SCN9A: variants seen among roughly 807,000 people sequenced by gnomAD.
The protein encoded by SCN9A is sodium voltage-gated channel alpha subunit 9.
Under a neutral mutation model 187.0 loss-of-function variants are expected in SCN9A, and 131 were observed. The ratio of observed to expected loss-of-function variants is 0.70; its 90% CI spans 0.61 to 0.81. The LOEUF (loss-of-function observed/expected upper bound fraction) is 0.81, where lower values mean the gene tolerates loss of function less well. Among genes scored for constraint, SCN9A ranks in the 30% least tolerant of loss-of-function variants. The probability of loss-of-function intolerance (pLI) is 0.00; values close to 1 mark genes in which losing one functional copy is unlikely to be tolerated. For synonymous variants in SCN9A, 809 were observed against 808.6 expected (o/e 1.00, Z -0.01); for missense variants, 2,252 against 2,396.6 (o/e 0.94, Z 1.26).
At chr2:166,245,632 C>A (rs957156758) in intron 18 of SCN9A, among the ~76,000 whole-genome samples, 1 of 151,954 alleles carries the variant, frequency 6.6e-6, no homozygotes, top group Non-Finnish European at 1.5e-5. Context: ...AAAGTAACTA[C>A]AGTGAATTCT....
chr2:166,358,024 G>A (rs1274420823), intron 1 of SCN9A, among the ~76,000 whole-genome samples: 1 of 149,564 alleles, frequency 6.7e-6, no homozygotes, highest in African/African-American at 2.5e-5. Flanking sequence ...TAATAAGTGG[G>A]GAATAAAACT....
chr2:166,299,687 G>GGT (rs1360856858), intron 7 of SCN9A, among the ~76,000 whole-genome samples: 2 of 150,634 alleles, frequency 1.3e-5, no homozygotes, highest in East Asian at 3.9e-4. Context: ...CAGAGGTAGA[G>GGT]GTGTGTGTGT....
intron 1 of SCN9A, among the ~76,000 whole-genome samples, chr2:166,324,647 A>G (rs1028830607): frequency 1.3e-5 from 2 of 152,188 alleles, no homozygotes; most frequent in African/African-American, 4.8e-5. Context: ...AATGTGTACC[A>G]TTGATACTAT....
rs1218717355 is a variant in SCN9A, at chr2:166,286,406, C to T, written c.1532G>A (p.Arg511Lys). 6.2e-7 allele frequency: 1 copy of T among 1,613,832 alleles called. No homozygotes were observed. The highest frequency in any genetic ancestry group is 2.2e-5 in the East Asian group (1 of 44,870). Residue 511 changes from arginine (R) to lysine (K), a missense_variant, in exon 11 of 27, where the codon AGA becomes AAA. By Grantham distance (26) the Arg-to-Lys change is conservative. Transcript: ENST00000642356. ...TTCGACACCAAGGTGGAAACTTTTT[C>T]TTCTGATGCTGTCCTCTGATTCTGA... The part of the protein sequence containing the change: ...SKSESEDSIR[R>K]KSFHLGVEGH...
chr2:166,327,182 TCTCA>T (rs1435049537), intron 1 of SCN9A, among the ~76,000 whole-genome samples: 1 of 152,150 alleles, frequency 6.6e-6, no homozygotes, highest in Non-Finnish European at 1.5e-5. Context: ...AAACACAAGG[TCTCA>T]CTCACTCTGT....
Position 166,197,682 on chromosome 2 carries a change from T to A in SCN9A, c.*990A>T, listed in dbSNP as rs1034512721. The A allele has an allele frequency of 7.2e-5, 11 of 152,102 alleles. No individual in the cohort carries two copies. The highest frequency in any genetic ancestry group is 6.6e-4 in the Admixed American group (10 of 15,264). The allele number at this position is 152,102 out of a possible 1,614,324, so 9.4% of individuals were successfully genotyped here. Reference sequence around the variant, plus strand: ...CCGTGGTCAAACAACTAACTGCATATCAGGAAGGATTTCATCAACTTTGCT... The same window carrying A: ...CCGTGGTCAAACAACTAACTGCATAACAGGAAGGATTTCATCAACTTTGCT... On this transcript the variant is annotated 3_prime_UTR_variant, in exon 27 of 27. Transcript: ENST00000642356.
chr2:166,311,719 A>G lies in SCN9A; in HGVS notation c.38T>C (p.Val13Ala). ...MLPPPGPQSF[V>A]HFTKQSLALI... ...GGCAAGAGACTGTTTTGTGAAATGG[A>G]CAAAGCTCTGAGGTCCTGGGGGAGG... The change falls in exon 2 of 27, where the codon GTC becomes GCC. Residue 13 changes from valine to alanine, a missense_variant. Transcript: ENST00000642356. The G allele has an allele frequency of 6.2e-7, 1 of 1,610,972 alleles. No homozygotes were observed. Among genetic ancestry groups the G allele is most frequent in the Non-Finnish European group, 8.5e-7 (1 of 1,177,820 alleles).
At chr2:166,239,416 A>G (rs1031637347) in intron 19 of SCN9A, among the ~76,000 whole-genome samples, 3 of 152,144 alleles carry the variant, frequency 2.0e-5, no homozygotes, top group African/African-American at 7.2e-5. Flanking sequence ...AACTTGTGCC[A>G]TTCAGATTCT....
At chr2:166,214,498 T>C (rs1405106216) in intron 24 of SCN9A, among the ~76,000 whole-genome samples, 2 of 126,264 alleles carry the variant, frequency 1.6e-5, no homozygotes, top group African/African-American at 6.1e-5. Context: ...AACTCTACAA[T>C]CTTTCTTTTT....
intron 24 of SCN9A, among the ~76,000 whole-genome samples, chr2:166,214,807 C>T (rs543052264): frequency 6.6e-6 from 1 of 152,094 alleles, no homozygotes; most frequent in Admixed American, 6.5e-5. Flanking sequence ...AGCCACCGCG[C>T]CCGGCCACAA....
intron 16 of SCN9A, among the ~76,000 whole-genome samples, chr2:166,275,741 G>A (rs1312759567): frequency 6.6e-6 from 1 of 152,088 alleles, no homozygotes; most frequent in Non-Finnish European, 1.5e-5. Context: ...CAACTTGAGG[G>A]TGATCAACAA....
intron 18 of SCN9A, among the ~76,000 whole-genome samples, chr2:166,250,077 T>G (rs1431088417): frequency 6.6e-6 from 1 of 152,172 alleles, no homozygotes; most frequent in African/African-American, 2.4e-5. Flanking sequence ...GTCGTACACC[T>G]TTGCTTCTTA....
Position 166,305,801 on chromosome 2 carries a change from A to G in SCN9A, c.587T>C (p.Ile196Thr), listed in dbSNP as rs200878465. The G allele has an allele frequency of 4.6e-5, 74 of 1,613,346 alleles. 1 individual carries two copies. The highest frequency in any genetic ancestry group is 2.2e-5 in the East Asian group (1 of 44,866). ...DPWNWLDFVV[I>T]VFAYLTEFVN... ...AGCTGAAAGTACTTACGCAAAAACA[A>G]TGACGACAAAATCCAGCCAGTTCCA... The change falls in exon 5 of 27, where the codon ATT becomes ACT. Residue 196 changes from isoleucine to threonine, a missense_variant. Ile to Thr is a moderately conservative substitution (Grantham distance 89). Coordinates refer to ENST00000642356, the MANE Select transcript of SCN9A (RefSeq NM_001365536.1).
At chr2:166,358,200 G>T (rs941947982) in intron 1 of SCN9A, among the ~76,000 whole-genome samples, 2 of 151,814 alleles carry the variant, frequency 1.3e-5, no homozygotes, top group African/African-American at 4.8e-5. Flanking sequence ...CTCCTGAGTA[G>T]CTCGGATTAG....
chr2:166,239,031 C>G (rs1031521428), intron 19 of SCN9A, among the ~76,000 whole-genome samples: 1 of 152,134 alleles, frequency 6.6e-6, no homozygotes, highest in Non-Finnish European at 1.5e-5. Flanking sequence ...TCATTTACTC[C>G]TATTTTGTGT....
intron 16 of SCN9A, among the ~76,000 whole-genome samples, chr2:166,275,216 T>G (rs3935511): frequency 5.9e-5 from 9 of 151,964 alleles, no homozygotes; most frequent in Non-Finnish European, 1.2e-4. Flanking sequence ...TATTTGTGAT[T>G]ATTGGCTTTG....
chr2:166,280,333 C>G (rs766138064), intron 14 of SCN9A, 24 bp downstream of exon 14: 1 of 1,279,092 alleles, frequency 7.8e-7, no homozygotes, highest in Non-Finnish European at 1.1e-6. Flanking sequence ...ACTATGAGTA[C>G]ATAACACACA....
chr2:166,210,473 T>TAAAAAAAAAAAAAAAAAA (rs201071860), intron 24 of SCN9A, among the ~76,000 whole-genome samples: 1 of 47,100 alleles, frequency 2.1e-5, no homozygotes, highest in East Asian at 4.8e-4. Flanking sequence ...AAAATAAAAA[T>TAAAAAAAAAAAAAAAAAA]AAAAAAATAA....
At chr2:166,340,546 C>CTT (rs1274015975) in intron 1 of SCN9A, among the ~76,000 whole-genome samples, 2 of 41,118 alleles carry the variant, frequency 4.9e-5, no homozygotes, top group Non-Finnish European at 8.8e-5. Context: ...CTTTCCCTTT[C>CTT]TTTCTTTCTT....
Sources: allele counts gnomAD v4.1 joint callset (sites outside exome capture counted in the v4.1 genomes callset), GRCh38; gene constraint gnomAD v4.1.1; transcripts MANE v1.5; gene names NCBI Gene and HGNC (gene_info 2026-07-23, HGNC 2026-07-21).